Variants in INPP4B observed in about 807,000 individuals in gnomAD.
The protein encoded by INPP4B is inositol polyphosphate 4-phosphatase type II.
In INPP4B, 55 loss-of-function variants were observed where a neutral mutation model predicts 122.5. The ratio of observed to expected loss-of-function variants is 0.45; its 90% confidence interval spans 0.36 to 0.56. The LOEUF (loss-of-function observed/expected upper bound fraction) is 0.56. Ranked by LOEUF, INPP4B falls within the 20% of genes least tolerant of loss-of-function variation. The pLI is 0.00. For missense variants in INPP4B, 1,000 were observed against 1,097.7 expected (o/e 0.91, Z 1.26); for synonymous variants, 403 against 388.7 (o/e 1.04, Z -0.43).
chr4:142,358,662 A>AC (rs1185528340), intron 7 of INPP4B, among the ~76,000 whole-genome samples: 2 of 151,204 alleles, frequency 1.3e-5, no homozygotes, highest in Non-Finnish European at 3.0e-5. Flanking sequence ...AAAAAAAAAA[A>AC]AAAAAAAAAC....
chr4:142,136,269 C>A (rs1228445951), intron 18 of INPP4B, among the ~76,000 whole-genome samples: 1 of 152,318 alleles, frequency 6.6e-6, no homozygotes, highest in Non-Finnish European at 1.5e-5. Flanking sequence ...GAAGGTCGGG[C>A]AGGCACTGGA....
chr4:142,738,301 C>T (rs1767317871), intron 1 of INPP4B, among the ~76,000 whole-genome samples: 1 of 152,150 alleles, frequency 6.6e-6, no homozygotes, highest in Non-Finnish European at 1.5e-5. Context: ...GAGTTCATGT[C>T]CTTTGTAGGG....
rs142930267 is a variant in INPP4B, at chr4:142,088,432, G to T, written c.2375-2176C>A. Among the ~76,000 whole-genome samples the T allele has an allele frequency of 5.9e-4, 90 of 152,298 alleles. 1 individual carries two copies. The highest frequency in any genetic ancestry group is 2.0e-3 in the African/African-American group (85 of 41,566). ...TACAGGTATATCGGTGACATAGAAA[G>T]TGTCCTTGACATTGCTGAAAAGAAG... On this transcript the variant is annotated intron_variant, in intron 23 of 25. Coordinates refer to ENST00000262992, the MANE Select transcript of INPP4B (RefSeq NM_001101669.3).
At chr4:142,078,182 T>C (rs1292104656) in intron 25 of INPP4B, among the ~76,000 whole-genome samples, 2 of 28,740 alleles carry the variant, frequency 7.0e-5, no homozygotes, top group Non-Finnish European at 8.4e-4. Context: ...ACTGGATAAG[T>C]AGAAAAAAAG....
chr4:142,648,564 C>T (rs1488484860), intron 2 of INPP4B, among the ~76,000 whole-genome samples: 2 of 152,224 alleles, frequency 1.3e-5, no homozygotes, highest in African/African-American at 4.8e-5. Flanking sequence ...ACCTTAATCA[C>T]TGCCAGTGCA....
At chr4:142,359,386 G>A (rs1784680934) in intron 7 of INPP4B, among the ~76,000 whole-genome samples, 1 of 151,838 alleles carries the variant, frequency 6.6e-6, no homozygotes, top group South Asian at 2.1e-4. Flanking sequence ...TCATGTTGTT[G>A]TCACAAAGAT....
intron 2 of INPP4B, among the ~76,000 whole-genome samples, chr4:142,627,859 T>A (rs1746863986): frequency 6.6e-6 from 1 of 152,014 alleles, no homozygotes; most frequent in African/African-American, 2.4e-5. Context: ...CTGGTAGAAT[T>A]CGGCTGTGAA....
intron 21 of INPP4B, among the ~76,000 whole-genome samples, chr4:142,119,339 A>G (rs140121151): frequency 1.3e-5 from 2 of 152,306 alleles, no homozygotes; most frequent in East Asian, 1.9e-4. Flanking sequence ...ATAAAGGCAT[A>G]TGCACATGTA....
chr4:142,134,273 G>A (rs577646739), intron 18 of INPP4B, among the ~76,000 whole-genome samples: 11 of 152,222 alleles, frequency 7.2e-5, no homozygotes, highest in East Asian at 5.8e-4. Context: ...GATGTGAGAC[G>A]CAGAGAATGT....
intron 1 of INPP4B, among the ~76,000 whole-genome samples, chr4:142,761,750 G>T (rs1486597569): frequency 2.0e-5 from 3 of 152,064 alleles, no homozygotes; most frequent in African/African-American, 7.2e-5. Flanking sequence ...ATTACATTAG[G>T]CATTCTCTGT....
intron 1 of INPP4B, among the ~76,000 whole-genome samples, chr4:142,768,200 AT>A (rs2150990823): frequency 6.6e-6 from 1 of 152,278 alleles, no homozygotes; most frequent in African/African-American, 2.4e-5. Flanking sequence ...TCTTTTTAAC[AT>A]TTACTGAGTG....
At chr4:142,119,828 C>CAT (rs1795744262) in intron 21 of INPP4B, among the ~76,000 whole-genome samples, 1 of 37,764 alleles carries the variant, frequency 2.6e-5, no homozygotes, top group African/African-American at 6.4e-5. Context: ...CACACACATA[C>CAT]ACATATATAT....
chr4:142,267,226 A>G (rs1461323088), intron 10 of INPP4B, among the ~76,000 whole-genome samples: 2 of 152,202 alleles, frequency 1.3e-5, no homozygotes, highest in African/African-American at 4.8e-5. Context: ...TTCTTAAGAA[A>G]CCACAAAAGA....
intron 1 of INPP4B, among the ~76,000 whole-genome samples, chr4:142,738,765 G>A (rs953241818): frequency 2.0e-5 from 3 of 152,126 alleles, no homozygotes; most frequent in Non-Finnish European, 2.9e-5. Flanking sequence ...TTTAGCTCCA[G>A]TGTGTAGCCT....
chr4:142,623,376 C>T (rs566538702), intron 2 of INPP4B, among the ~76,000 whole-genome samples: 1 of 151,928 alleles, frequency 6.6e-6, no homozygotes, highest in Admixed American at 6.6e-5. Context: ...CCAGAAAGTC[C>T]CCACCACATG....
At chr4:142,525,233 A>C (rs926770496) in intron 2 of INPP4B, among the ~76,000 whole-genome samples, 17 of 152,224 alleles carry the variant, frequency 1.1e-4, no homozygotes, top group African/African-American at 2.9e-4. Flanking sequence ...TCACTGAAAT[A>C]AAAGAGGATA....
intron 1 of INPP4B, among the ~76,000 whole-genome samples, chr4:142,817,217 G>A (rs973854152): frequency 1.3e-5 from 2 of 152,070 alleles, no homozygotes; most frequent in African/African-American, 2.4e-5. Flanking sequence ...ACCTTGTATT[G>A]CACTCATTCA....
intron 10 of INPP4B, among the ~76,000 whole-genome samples, chr4:142,261,140 T>C (rs1422744594): frequency 2.0e-5 from 3 of 152,190 alleles, no homozygotes; most frequent in Non-Finnish European, 4.4e-5. Flanking sequence ...GTACTGTCAA[T>C]TTCTCAACAG....
intron 7 of INPP4B, among the ~76,000 whole-genome samples, chr4:142,341,112 T>C (rs1417289076): frequency 6.6e-6 from 1 of 152,198 alleles, no homozygotes; most frequent in Non-Finnish European, 1.5e-5. Context: ...TATAAAAATA[T>C]GCTTATTGGA....
Sources: gnomAD v4.1 joint callset for allele counts (sites outside exome capture counted in the v4.1 genomes callset) on GRCh38, gnomAD v4.1.1 for gene constraint, MANE v1.5 for transcripts, NCBI Gene and HGNC (gene_info 2026-07-23, HGNC 2026-07-21) for gene names.